GRIA2: variants seen among roughly 807,000 people sequenced by gnomAD.
GRIA2 encodes glutamate ionotropic receptor AMPA type subunit 2, also known as glutamate receptor 2.
GRIA2 carries 14 observed loss-of-function variants against 97.3 expected under a neutral mutation model. The observed-to-expected ratio is 0.14, with a 90% CI of 0.10 to 0.23. The LOEUF (loss-of-function observed/expected upper bound fraction) is 0.23. GRIA2 is among the 10% of genes least tolerant of loss of function. The pLI, the probability that GRIA2 is intolerant of heterozygous loss-of-function variation, is 1.00. For synonymous variants in GRIA2, 412 were observed against 387.8 expected, an observed-to-expected ratio of 1.06 and a Z score of -0.73; for missense variants, 558 against 1,069.8, an observed-to-expected ratio of 0.52 and a Z score of 6.67.
At chr4:157,344,114 G>A (rs1488825537) in intron 12 of GRIA2, among the ~76,000 whole-genome samples, 4 of 151,942 alleles carry the variant, frequency 2.6e-5, no homozygotes, top group African/African-American at 7.3e-5. Flanking sequence ...ATAGAATGTT[G>A]TATAAAATAT....
chr4:157,220,982 A>C lies in GRIA2; in HGVS notation c.-61A>C. On this transcript the variant is annotated 5_prime_UTR_variant, in exon 1 of 16. Coordinates refer to ENST00000264426, the MANE Select transcript of GRIA2 (RefSeq NM_001083619.3). The stretch of plus-strand genomic sequence containing the variant: ...ATTTGCAGAGGAAAACAGCCAAAGA[A>C]GGAAGAGGAGGAAAAGGAAAAAAAA... The C allele has an allele frequency of 1.2e-6, 1 of 836,706 alleles. No individual in the cohort carries two copies. The highest frequency in any genetic ancestry group is 2.1e-6 in the Non-Finnish European group (1 of 476,624). The allele number at this position is 836,706 out of a possible 1,614,324, so 51.8% of individuals were successfully genotyped here. A position where few individuals can be genotyped will look rare whatever the true frequency, so the allele number is the denominator to read the frequency against.
chr4:157,362,793 C>G lies in GRIA2; in HGVS notation c.2407-6C>G. ...CTAATAACCTCTTCTCATATACATT[C>G]TTTAGGAAAAGACCAGTGCCCTCAG... is the stretch of plus-strand genomic sequence containing the variant. On this transcript the variant is annotated splice_polypyrimidine_tract_variant and splice_region_variant and intron_variant, in intron 14 of 15. Transcript: ENST00000264426. The G allele has an allele frequency of 1.2e-6, 2 of 1,608,874 alleles. No homozygotes were observed. The highest frequency in any genetic ancestry group is 8.5e-7 in the Non-Finnish European group (1 of 1,177,330).
chr4:157,301,571 G>A (rs186473852), intron 2 of GRIA2, among the ~76,000 whole-genome samples: 11 of 152,242 alleles, frequency 7.2e-5, no homozygotes, highest in Admixed American at 1.3e-4. Context: ...GATTCATACC[G>A]TACAACAGTT....
At chr4:157,331,120 T>G (rs1334794992) in intron 6 of GRIA2, among the ~76,000 whole-genome samples, 1 of 151,986 alleles carries the variant, frequency 6.6e-6, no homozygotes, top group Admixed American at 6.6e-5. Context: ...TTTCTATGAT[T>G]GTGACTTTTA....
intron 2 of GRIA2, among the ~76,000 whole-genome samples, chr4:157,227,734 C>G (rs1328336745): frequency 6.6e-6 from 1 of 152,080 alleles, no homozygotes; most frequent in Non-Finnish European, 1.5e-5. Flanking sequence ...AGTGTTTGCT[C>G]TTTTATTATT....
In GRIA2 at chr4:157,333,277, T is replaced by C. The variant is rs769969521; in HGVS notation, c.1079T>C (p.Ile360Thr). The change falls in exon 8 of 16, where the codon ATA (isoleucine) becomes ACA (threonine). Residue 360 changes from isoleucine (I) to threonine (T), a missense_variant. Transcript: ENST00000264426. Reference sequence around the variant, plus strand: ...CAGGTTGAAGGTCTCTCAGGAAATATAAAGTTTGACCAGAATGGAAAAAGA... The same window carrying C: ...CAGGTTGAAGGTCTCTCAGGAAATACAAAGTTTGACCAGAATGGAAAAAGA... ...QVQVEGLSGN[I>T]KFDQNGKRIN... 1 of 1,596,884 alleles carries C rather than the reference T, an allele frequency of 6.3e-7. No individual in the cohort carries two copies. The highest frequency in any genetic ancestry group is 8.6e-7 in the Non-Finnish European group (1 of 1,167,632).
Sources: allele counts gnomAD v4.1 joint callset (sites outside exome capture counted in the v4.1 genomes callset), GRCh38; gene constraint gnomAD v4.1.1; transcripts MANE v1.5; gene names NCBI Gene and HGNC (gene_info 2026-07-23, HGNC 2026-07-21).